TMTC1: variants seen among roughly 807,000 people sequenced by gnomAD.
TMTC1 encodes the protein transmembrane O-mannosyltransferase targeting cadherins 1.
TMTC1 carries 73 observed loss-of-function variants against 104.8 expected under a neutral mutation model. The observed-to-expected ratio is 0.70, with a 90% CI of 0.58 to 0.85. TMTC1 has a LOEUF of 0.85. Ranked by LOEUF, TMTC1 falls within the 40% of genes least tolerant of loss-of-function variation. The pLI, the probability that TMTC1 is intolerant of heterozygous loss-of-function variation, is 0.00. For missense variants in TMTC1, 1,035 were observed against 1,096.1 expected (o/e 0.94, Z 0.79); for synonymous variants, 434 against 428.7 (o/e 1.01, Z -0.15).
intron 5 of TMTC1, among the ~76,000 whole-genome samples, chr12:29,712,977 A>AT (rs997440820): frequency 3.3e-5 from 5 of 151,944 alleles, no homozygotes; most frequent in African/African-American, 7.2e-5. Context: ...CTATGAAGGT[A>AT]TTTTTTTTAA....
Position 29,536,310 on chromosome 12 carries a change from C to G in TMTC1, c.1684G>C (p.Glu562Gln). ...AAGGTGATAGCTTCTTCCTTTTTCT[C>G]CTGGGACCTATAGATAATAATGAAG... ...FNLGNLLKSQ[E>Q]KKEEAITLLK... is the part of the protein sequence containing the mutation. Residue 562 changes from glutamate (E) to glutamine (Q), a missense_variant, in exon 11 of 18, where the codon GAG becomes CAG. Glu to Gln is a conservative substitution (Grantham distance 29, BLOSUM62 2). Coordinates refer to ENST00000539277, the MANE Select transcript of TMTC1 (RefSeq NM_001193451.2). The G allele has an allele frequency of 6.2e-7, 1 of 1,605,056 alleles. No individual in the cohort carries two copies. Among genetic ancestry groups the G allele is most frequent in the East Asian group, 2.2e-5 (1 of 44,762 alleles).
chr12:29,648,363 T>C (rs1209137305), intron 5 of TMTC1, among the ~76,000 whole-genome samples: 1 of 152,238 alleles, frequency 6.6e-6, no homozygotes, highest in Non-Finnish European at 1.5e-5. Flanking sequence ...ACAAGAAGTA[T>C]CATAAGCACC....
intron 5 of TMTC1, among the ~76,000 whole-genome samples, chr12:29,727,379 A>C (rs149657842): frequency 6.7e-6 from 1 of 149,940 alleles, no homozygotes; most frequent in South Asian, 2.1e-4. Flanking sequence ...TTTTATTTTT[A>C]TTTATTTATT....
chr12:29,523,754 A>C (rs1287454874), intron 11 of TMTC1, among the ~76,000 whole-genome samples: 4 of 151,854 alleles, frequency 2.6e-5, no homozygotes, highest in African/African-American at 9.7e-5. Context: ...TCTGTGTTGG[A>C]ATCTCTTGTT....
chr12:29,757,128 T>C (rs1472056016), intron 3 of TMTC1, among the ~76,000 whole-genome samples: 1 of 152,218 alleles, frequency 6.6e-6, no homozygotes, highest in African/African-American at 2.4e-5. Flanking sequence ...AAGAATGCAG[T>C]AGGAAGTTAC....
chr12:29,637,608 T>TTCATCAAATGGCAC (rs1364682710), intron 5 of TMTC1, among the ~76,000 whole-genome samples: 1 of 152,158 alleles, frequency 6.6e-6, no homozygotes, highest in Non-Finnish European at 1.5e-5. Context: ...GAAAATGGCA[T>TTCATCAAATGGCAC]TCATCAAATG....
At chr12:29,637,493 A>G (rs1318151744) in intron 5 of TMTC1, among the ~76,000 whole-genome samples, 2 of 152,230 alleles carry the variant, frequency 1.3e-5, no homozygotes, top group Non-Finnish European at 2.9e-5. Flanking sequence ...AATTCAGCTT[A>G]AACAATTTAG....
chr12:29,595,733 T>G lies in TMTC1; in HGVS notation c.1250+8445A>C, dbSNP rs1946389236. Among the ~76,000 whole-genome samples the G allele has an allele frequency of 2.0e-5, 3 of 152,230 alleles. No homozygotes were observed. The South Asian group carries it at 6.2e-4, about 32-fold the overall frequency. On this transcript the variant is annotated intron_variant, in intron 7 of 17. Coordinates refer to ENST00000539277, the MANE Select transcript of TMTC1 (RefSeq NM_001193451.2). ...TCTTTCTAATCTTATCCCATAGTATTCTGAAGTAGAACTTTAATCAACTTT... is the reference window on the plus strand; with the variant it reads ...TCTTTCTAATCTTATCCCATAGTATGCTGAAGTAGAACTTTAATCAACTTT...
chr12:29,688,864 T>C (rs1941178191), intron 5 of TMTC1, among the ~76,000 whole-genome samples: 1 of 152,190 alleles, frequency 6.6e-6, no homozygotes, highest in African/African-American at 2.4e-5. Context: ...GCCCAATTTT[T>C]AGCTGGACTC....
chr12:29,717,362 C>A (rs1942113786), intron 5 of TMTC1, among the ~76,000 whole-genome samples: 2 of 152,102 alleles, frequency 1.3e-5, no homozygotes, highest in Non-Finnish European at 2.9e-5. Flanking sequence ...CTCTTCTTAG[C>A]CTGAAGAATT....
chr12:29,654,725 A>T (rs1428854623), intron 5 of TMTC1, among the ~76,000 whole-genome samples: 3 of 152,080 alleles, frequency 2.0e-5, no homozygotes, highest in Non-Finnish European at 4.4e-5. Flanking sequence ...TTTATCAAAA[A>T]AAAAAAAATG....
At chr12:29,630,591 G>A (rs1364901888) in intron 6 of TMTC1, among the ~76,000 whole-genome samples, 2 of 152,126 alleles carry the variant, frequency 1.3e-5, no homozygotes, top group African/African-American at 4.8e-5. Flanking sequence ...GTTCATCCAT[G>A]TCTGTCCACA....
intron 5 of TMTC1, among the ~76,000 whole-genome samples, chr12:29,637,894 A>G (rs1471481494): frequency 6.6e-6 from 1 of 152,192 alleles, no homozygotes; most frequent in African/African-American, 2.4e-5. Flanking sequence ...TCTTTCTTTT[A>G]CTTTTGCCTA....
Position 29,755,694 on chromosome 12 carries a change from T to C in TMTC1, c.731+15A>G, listed in dbSNP as rs751382834. 69 of 1,606,396 alleles carry C rather than the reference T, an allele frequency of 4.3e-5. No individual in the cohort carries two copies. The highest frequency in any genetic ancestry group is 5.8e-5 in the Non-Finnish European group (68 of 1,174,956). ...ATGACATGCCATTTGATATCAAAACTGTAAAATGACTTACGACTTGTCTTG... is the reference window on the plus strand; with the variant it reads ...ATGACATGCCATTTGATATCAAAACCGTAAAATGACTTACGACTTGTCTTG... On this transcript the variant is annotated intron_variant, in intron 4 of 17. Coordinates refer to ENST00000539277, the MANE Select transcript of TMTC1 (RefSeq NM_001193451.2).
intron 5 of TMTC1, among the ~76,000 whole-genome samples, chr12:29,699,876 A>G (rs115246946): frequency 0.012 from 1,792 of 151,966 alleles, 24 homozygotes; most frequent in African/African-American, 0.041. Context: ...TCCTAAACTC[A>G]AGGGATCCTC....
intron 5 of TMTC1, among the ~76,000 whole-genome samples, chr12:29,643,712 T>TA (rs1450503040): frequency 0.025 from 616 of 24,298 alleles, 210 homozygotes; most frequent in Non-Finnish European, 0.036. Context: ...ATATATTATA[T>TA]ATATAATATA....
At chr12:29,664,012 C>T (rs905810763) in intron 5 of TMTC1, among the ~76,000 whole-genome samples, 134 of 151,324 alleles carry the variant, frequency 8.9e-4, no homozygotes, top group Non-Finnish European at 2.4e-4. Context: ...ACGGTGAAAC[C>T]CCGTCTCTAC....
At chr12:29,526,919 T>C (rs1247341590) in intron 11 of TMTC1, among the ~76,000 whole-genome samples, 1 of 152,182 alleles carries the variant, frequency 6.6e-6, no homozygotes, top group East Asian at 1.9e-4. Context: ...AATAATGTAT[T>C]CATAAAAACA....
intron 5 of TMTC1, among the ~76,000 whole-genome samples, chr12:29,686,973 T>C (rs1941113924): frequency 6.7e-6 from 1 of 149,150 alleles, no homozygotes; most frequent in Non-Finnish European, 1.5e-5. Flanking sequence ...TACATATGAG[T>C]CTATTTTTTA....
Sources: gnomAD v4.1 joint callset for allele counts (sites outside exome capture counted in the v4.1 genomes callset) on GRCh38, gnomAD v4.1.1 for gene constraint, MANE v1.5 for transcripts, NCBI Gene and HGNC (gene_info 2026-07-23, HGNC 2026-07-21) for gene names.